CRY2: variants seen among roughly 807,000 people sequenced by gnomAD.
CRY2 encodes the protein cryptochrome-2.
Under a neutral mutation model 69.5 loss-of-function variants are expected in CRY2, and 31 were observed. The observed-to-expected ratio is 0.45, with a 90% CI of 0.34 to 0.60. The LOEUF (loss-of-function observed/expected upper bound fraction) is 0.60, where lower values mean the gene tolerates loss of function less well. Ranked by LOEUF, CRY2 falls within the 20% of genes least tolerant of loss-of-function variation. CRY2 has a pLI of 0.02. For synonymous variants in CRY2, 303 were observed against 312.2 expected, an observed-to-expected ratio of 0.97 and a Z score of 0.31; for missense variants, 606 against 797.8, an observed-to-expected ratio of 0.76 and a Z score of 2.90.
chr11:45,855,570 C>T (rs940985046), intron 1 of CRY2, among the ~76,000 whole-genome samples: 1 of 152,208 alleles, frequency 6.6e-6, no homozygotes, highest in Admixed American at 6.5e-5. Context: ...AGTGACTAGC[C>T]TCTGATCACA....
chr11:45,866,757 T>C (rs546250337), intron 5 of CRY2, among the ~76,000 whole-genome samples: 3 of 151,944 alleles, frequency 2.0e-5, no homozygotes, highest in Non-Finnish European at 4.4e-5. Flanking sequence ...AACAGTATCA[T>C]GGAGAGGAGG....
chr11:45,866,511 G>C (rs1212956798), intron 5 of CRY2, among the ~76,000 whole-genome samples: 1 of 152,210 alleles, frequency 6.6e-6, no homozygotes, highest in Non-Finnish European at 1.5e-5. Context: ...GTATAGCGCT[G>C]CTGAGAGATC....
At position 45,869,499 on chromosome 11, in the gene CRY2, C is replaced by T. The variant is rs1308730633; in HGVS notation, c.883-7C>T. On this transcript the variant is annotated splice_region_variant and splice_polypyrimidine_tract_variant and intron_variant, in intron 6 of 11. Transcript: ENST00000616080. ...GTTTGTATCCATGTGCCACCCCTAC[C>T]TCTCAGGTGAAGCGGAACAGCACAC... The T allele has an allele frequency of 1.9e-6, 3 of 1,599,410 alleles. No homozygotes were observed. Among genetic ancestry groups the T allele is most frequent in the African/African-American group, 2.7e-5 (2 of 74,858 alleles).
intron 5 of CRY2, among the ~76,000 whole-genome samples, chr11:45,863,511 A>G (rs1206833666): frequency 6.6e-6 from 1 of 151,690 alleles, no homozygotes; most frequent in African/African-American, 2.4e-5. Flanking sequence ...TGGGAGAACA[A>G]ATGGTGCTAG....
At chr11:45,852,073 T>C (rs2086202600) in intron 1 of CRY2, among the ~76,000 whole-genome samples, 1 of 152,184 alleles carries the variant, frequency 6.6e-6, no homozygotes, top group African/African-American at 2.4e-5. Context: ...TATAGTGTCC[T>C]CTCTATATTT....
At chr11:45,856,494 T>C (rs1406986257) in intron 2 of CRY2, among the ~76,000 whole-genome samples, 1 of 152,222 alleles carries the variant, frequency 6.6e-6, no homozygotes, top group African/African-American at 2.4e-5. Flanking sequence ...GCTCTGCTTA[T>C]TGGGAAAAGT....
intron 11 of CRY2, among the ~76,000 whole-genome samples, chr11:45,876,045 G>A (rs1405660157): frequency 2.0e-5 from 3 of 152,180 alleles, no homozygotes. Flanking sequence ...ATTATATTGG[G>A]TTGGGGGAGG....
At chr11:45,868,416 C>G (rs533550058) in intron 6 of CRY2, among the ~76,000 whole-genome samples, 1 of 152,194 alleles carries the variant, frequency 6.6e-6, no homozygotes, top group East Asian at 1.9e-4. Flanking sequence ...GGCCTGATCA[C>G]AGCTCACTGA....
intron 11 of CRY2, among the ~76,000 whole-genome samples, chr11:45,878,085 C>G (rs886946983): frequency 8.5e-5 from 13 of 152,220 alleles, no homozygotes; most frequent in Non-Finnish European, 1.3e-4. Context: ...ACCTCACCCT[C>G]TTATCTTCTA....
At chr11:45,869,890 G>T in intron 7 of CRY2, 73 bp downstream of exon 7, 1 of 1,530,780 alleles carries the variant, frequency 6.5e-7, no homozygotes, top group Middle Eastern at 2.1e-4. Flanking sequence ...CCCCTTCTGG[G>T]CTGAGGGATG....
rs750879103 is a variant in CRY2 at position 45,870,937 on chromosome 11, G to GAGC, written c.1642+11_1642+13dup. The GAGC allele has an allele frequency of 1.2e-6, 2 of 1,608,626 alleles. No homozygotes were observed. The highest frequency in any genetic ancestry group is 1.3e-5 in the African/African-American group (1 of 75,018). ...GGCTGGCAGCATGAGCAGTGCAGGT[G>GAGC]AGCAGCAGCAACCAACCTCCTGTGG... is the stretch of plus-strand genomic sequence containing the variant. On this transcript the variant is annotated splice_donor_region_variant and intron_variant, in intron 10 of 11. Transcript: ENST00000616080.
chr11:45,859,755 C>G (rs927569166), intron 3 of CRY2, among the ~76,000 whole-genome samples: 5 of 152,052 alleles, frequency 3.3e-5, no homozygotes, highest in African/African-American at 1.2e-4. Flanking sequence ...CCTGCCATGC[C>G]AGAGCTGTCA....
intron 1 of CRY2, 43 bp downstream of exon 1, chr11:45,847,748 C>T: frequency 6.6e-7 from 1 of 1,515,980 alleles, no homozygotes; most frequent in African/African-American, 1.4e-5. Flanking sequence ...CAGCCAGGAC[C>T]CTGACCCTGG....
intron 11 of CRY2, among the ~76,000 whole-genome samples, 194 bp downstream of exon 11, chr11:45,872,427 T>G (rs575466557): frequency 1.3e-5 from 2 of 151,998 alleles, no homozygotes; most frequent in Non-Finnish European, 2.9e-5. Flanking sequence ...ATGAGTACTT[T>G]CTGGTTGATA....
chr11:45,862,661 C>G (rs1055739917), intron 5 of CRY2, among the ~76,000 whole-genome samples: 1 of 152,174 alleles, frequency 6.6e-6, no homozygotes, highest in Non-Finnish European at 1.5e-5. Context: ...TGGGCAGGTT[C>G]CCCCTACTAA....
chr11:45,854,158 T>C (rs986819934), intron 1 of CRY2, among the ~76,000 whole-genome samples: 6 of 152,202 alleles, frequency 3.9e-5, no homozygotes, highest in African/African-American at 1.4e-4. Flanking sequence ...ATTTCTATTG[T>C]TGACAGAGAA....
upstream of CRY2, chr11:45,847,222 A>G (rs1590758442): frequency 6.4e-7 from 1 of 1,550,790 alleles, no homozygotes; most frequent in East Asian, 2.4e-5. Flanking sequence ...CAGCCTGCGG[A>G]CAGCCCCAGC....
intron 10 of CRY2, 139 bp downstream of exon 10, chr11:45,871,073 A>G (rs920842470): frequency 1.8e-5 from 12 of 658,262 alleles, no homozygotes; most frequent in Non-Finnish European, 1.3e-5. Context: ...AAAGAAACCA[A>G]GTTGGATCAT....
intron 5 of CRY2, 95 bp downstream of exon 5, chr11:45,862,243 C>A: frequency 8.3e-7 from 1 of 1,206,944 alleles, no homozygotes; most frequent in South Asian, 1.5e-5. Flanking sequence ...CCTCTTAGCT[C>A]ACATTGTTTG....
Sources: allele counts gnomAD v4.1 joint callset (sites outside exome capture counted in the v4.1 genomes callset), GRCh38; gene constraint gnomAD v4.1.1; transcripts MANE v1.5; gene names NCBI Gene and HGNC (gene_info 2026-07-23, HGNC 2026-07-21).